The following ESRRG variants were observed in gnomAD, a reference collection of about 807,000 sequenced individuals.
ESRRG encodes estrogen-related receptor gamma.
Under a neutral mutation model 44.0 loss-of-function variants are expected in ESRRG, and 13 were observed. The ratio of observed to expected loss-of-function variants is 0.30; its 90% CI spans 0.19 to 0.47. The LOEUF (loss-of-function observed/expected upper bound fraction) is 0.47. Among genes scored for constraint, ESRRG ranks in the 20% least tolerant of loss-of-function variants. The probability of loss-of-function intolerance (pLI) is 1.00; values close to 1 mark genes in which losing one functional copy is unlikely to be tolerated. For missense variants in ESRRG, 395 were observed against 580.6 expected (o/e 0.68, Z 3.29); for synonymous variants, 215 against 214.6 (o/e 1.00, Z -0.02).
chr1:216,800,360 C>CA (rs2094579379), intron 2 of ESRRG, among the ~76,000 whole-genome samples: 1 of 152,090 alleles, frequency 6.6e-6, no homozygotes, highest in Non-Finnish European at 1.5e-5. Context: ...TTTGCAAAAG[C>CA]AGCAAGAACA....
chr1:216,934,981 A>G (rs1055939034), intron 2 of ESRRG, among the ~76,000 whole-genome samples: 3 of 152,204 alleles, frequency 2.0e-5, no homozygotes, highest in African/African-American at 7.2e-5. Context: ...AAAATTTAAG[A>G]TATTTTAATA....
intron 2 of ESRRG, among the ~76,000 whole-genome samples, chr1:216,937,091 C>T (rs542228160): frequency 1.3e-5 from 2 of 151,368 alleles, no homozygotes; most frequent in East Asian, 3.9e-4. Context: ...AGATATTTTT[C>T]AAGTACTCTG....
intron 1 of ESRRG, among the ~76,000 whole-genome samples, chr1:216,979,562 T>C (rs2073579645): frequency 6.6e-6 from 1 of 152,108 alleles, no homozygotes; most frequent in South Asian, 2.1e-4. Flanking sequence ...TCACAACATC[T>C]GATTTCAAAA....
chr1:217,080,437 A>C (rs1012630760), intron 1 of ESRRG, among the ~76,000 whole-genome samples: 4 of 152,158 alleles, frequency 2.6e-5, no homozygotes, highest in Non-Finnish European at 5.9e-5. Context: ...CCAACTCATT[A>C]TATACATGTC....
At chr1:216,615,981 A>T (rs1272726462) in intron 3 of ESRRG, among the ~76,000 whole-genome samples, 1 of 152,114 alleles carries the variant, frequency 6.6e-6, no homozygotes, top group Non-Finnish European at 1.5e-5. Flanking sequence ...CACCAGGCCC[A>T]GCCAACCTTG....
At chr1:216,918,035 G>A (rs1458065267) in intron 2 of ESRRG, among the ~76,000 whole-genome samples, 4 of 152,024 alleles carry the variant, frequency 2.6e-5, no homozygotes, top group Non-Finnish European at 5.9e-5. Context: ...TGCTGTTTTT[G>A]TATTAAATGT....
At chr1:216,764,566 GC>G (rs1349476284) in intron 2 of ESRRG, among the ~76,000 whole-genome samples, 1 of 147,342 alleles carries the variant, frequency 6.8e-6, no homozygotes, top group Non-Finnish European at 1.5e-5. Context: ...ACCATGCCCG[GC>G]CCAGGGGGGG....
chr1:217,036,817 TA>T (rs1219274091), intron 1 of ESRRG, among the ~76,000 whole-genome samples: 1 of 123,998 alleles, frequency 8.1e-6, no homozygotes, highest in South Asian at 2.7e-4. Context: ...AACTTAAAAG[TA>T]AAAAAAAAGA....
upstream of ESRRG, chr1:217,090,495 G>C (rs1025296260): frequency 3.3e-5 from 5 of 152,248 alleles, no homozygotes; most frequent in Non-Finnish European, 5.9e-5. Flanking sequence ...AGACACTCAT[G>C]TTCGCGGCTC....
At chr1:216,666,822 T>C (rs988944567) in intron 2 of ESRRG, among the ~76,000 whole-genome samples, 1 of 152,090 alleles carries the variant, frequency 6.6e-6, no homozygotes, top group Non-Finnish European at 1.5e-5. Context: ...ATCTGTGAAG[T>C]CCCTTAGACT....
chr1:216,948,641 T>C (rs2066475709), intron 1 of ESRRG, among the ~76,000 whole-genome samples: 1 of 151,930 alleles, frequency 6.6e-6, no homozygotes, highest in Admixed American at 6.6e-5. Flanking sequence ...AGGAATCTAT[T>C]TGGGGGTATT....
intron 5 of ESRRG, among the ~76,000 whole-genome samples, chr1:216,519,814 T>A (rs1427915972): frequency 6.8e-4 from 81 of 118,848 alleles, no homozygotes; most frequent in East Asian, 9.9e-4. Context: ...AACATAAAAG[T>A]AAAAAAAAAA....
At chr1:217,044,946 A>G (rs554718072) in intron 1 of ESRRG, among the ~76,000 whole-genome samples, 2 of 152,310 alleles carry the variant, frequency 1.3e-5, no homozygotes, top group South Asian at 2.1e-4. Flanking sequence ...ATTAAAACTA[A>G]TCACGGCAGT....
intron 1 of ESRRG, among the ~76,000 whole-genome samples, chr1:216,970,626 T>C (rs1461865507): frequency 1.3e-5 from 2 of 152,214 alleles, no homozygotes; most frequent in African/African-American, 2.4e-5. Flanking sequence ...AACCTAATCA[T>C]GGTTTATCTG....
chr1:216,998,449 T>C (rs572875122), intron 1 of ESRRG, among the ~76,000 whole-genome samples: 1 of 152,246 alleles, frequency 6.6e-6, no homozygotes. Flanking sequence ...CCTCATTTCA[T>C]GGAGTGATAG....
intron 2 of ESRRG, among the ~76,000 whole-genome samples, chr1:216,915,003 G>C (rs1282478899): frequency 6.6e-6 from 1 of 152,188 alleles, no homozygotes; most frequent in Non-Finnish European, 1.5e-5. Flanking sequence ...GAAGAAACTG[G>C]AGGGAGAATA....
chr1:216,512,882 G>A (rs1263971909), intron 6 of ESRRG, among the ~76,000 whole-genome samples: 4 of 152,168 alleles, frequency 2.6e-5, no homozygotes. Context: ...AGAAGGCAAT[G>A]TTACCACTGA....
intron 2 of ESRRG, among the ~76,000 whole-genome samples, chr1:216,803,567 CT>C (rs1295207606): frequency 2.6e-5 from 4 of 152,160 alleles, no homozygotes; most frequent in African/African-American, 9.6e-5. Flanking sequence ...AGATTTTTGT[CT>C]AGACATTTTT....
intron 2 of ESRRG, among the ~76,000 whole-genome samples, chr1:216,788,159 G>C (rs531959262): frequency 6.6e-6 from 1 of 152,214 alleles, no homozygotes; most frequent in South Asian, 2.1e-4. Flanking sequence ...TATGAAGGTG[G>C]CTTTAAACAA....
Sources: gnomAD v4.1 joint callset for allele counts (sites outside exome capture counted in the v4.1 genomes callset) on GRCh38, gnomAD v4.1.1 for gene constraint, MANE v1.5 for transcripts, NCBI Gene and HGNC (gene_info 2026-07-23, HGNC 2026-07-21) for gene names.